Variants in NALCN observed in about 807,000 individuals in gnomAD.
NALCN encodes the protein sodium leak channel NALCN.
NALCN carries 111 observed loss-of-function variants against 225.3 expected under a neutral mutation model. The observed-to-expected ratio is 0.49, with a 90% CI of 0.42 to 0.58. The LOEUF is 0.58. Ranked by LOEUF, NALCN falls within the 20% of genes least tolerant of loss-of-function variation. NALCN has a pLI of 0.00. For missense variants in NALCN, 1,378 were observed against 2,202.4 expected, an observed-to-expected ratio of 0.63 and a Z score of 7.49; for synonymous variants, 764 against 769.0, an observed-to-expected ratio of 0.99 and a Z score of 0.11.
intron 13 of NALCN, among the ~76,000 whole-genome samples, chr13:101,200,101 A>G (rs574414818): frequency 1.3e-5 from 2 of 152,180 alleles, no homozygotes; most frequent in African/African-American, 4.8e-5. Context: ...TTCCACAGTT[A>G]TATTTCCAGC....
chr13:101,287,391 C>A (rs1159033786), intron 9 of NALCN, among the ~76,000 whole-genome samples: 1 of 152,172 alleles, frequency 6.6e-6, no homozygotes, highest in Non-Finnish European at 1.5e-5. Context: ...GCATCTCATG[C>A]TGAATAAAAA....
Position 101,058,348 on chromosome 13 carries a change from T to A in NALCN, c.4906-292A>T, listed in dbSNP as rs561265839. ...GAGAATGTCATTGTTTCCCTTCATA[T>A]CTTCGCTGGCAAACCAGGGGGTAAG... On this transcript the variant is annotated intron_variant, in intron 42 of 43. Transcript: ENST00000251127. 3 of 250,716 alleles carry A rather than the reference T, an allele frequency of 1.2e-5. No individual in the cohort carries two copies. In the South Asian group the frequency reaches 2.1e-4, roughly 17 times the overall value. The allele number at this position is 250,716 out of a possible 1,614,324, so 15.5% of individuals were successfully genotyped here.
At chr13:101,206,139 G>A (rs1010434954) in intron 13 of NALCN, among the ~76,000 whole-genome samples, 1 of 151,838 alleles carries the variant, frequency 6.6e-6, no homozygotes, top group Non-Finnish European at 1.5e-5. Context: ...ATTTCCTCAT[G>A]CCCAATACTT....
intron 7 of NALCN, among the ~76,000 whole-genome samples, chr13:101,340,698 C>A (rs1014694368): frequency 2.6e-5 from 4 of 152,184 alleles, no homozygotes; most frequent in African/African-American, 9.6e-5. Flanking sequence ...TTCTTTTGAA[C>A]AACTGTGCTT....
intron 15 of NALCN, among the ~76,000 whole-genome samples, chr13:101,157,328 C>T (rs1432001428): frequency 6.6e-6 from 1 of 152,148 alleles, no homozygotes; most frequent in Non-Finnish European, 1.5e-5. Context: ...TTTTTGGTCC[C>T]TAAATACCAT....
In NALCN at chr13:101,054,461, A is replaced by AT. The variant is rs1016271934; in HGVS notation, c.*833dup. ...CAATGATAACATCACACATGCAAAG[A>AT]TTTTTTTAAATAAATTGAGCTATAT... is the stretch of plus-strand genomic sequence containing the variant. On this transcript the variant is annotated 3_prime_UTR_variant, in exon 44 of 44. Transcript: ENST00000251127. 3.3e-5 allele frequency: 5 copies of AT among 152,170 alleles called. No homozygotes were observed. The highest frequency in any genetic ancestry group is 1.9e-4 in the East Asian group (1 of 5,190). The allele number at this position is 152,170 out of a possible 1,614,324, so 9.4% of individuals were successfully genotyped here. A position where few individuals can be genotyped will look rare whatever the true frequency, so the allele number is the denominator to read the frequency against.
At chr13:101,266,296 G>A (rs199615148) in intron 10 of NALCN, among the ~76,000 whole-genome samples, 2 of 95,078 alleles carry the variant, frequency 2.1e-5, no homozygotes, top group Non-Finnish European at 5.4e-5. Flanking sequence ...TCAGGTGGAA[G>A]AGATTAGTAA....
intron 7 of NALCN, among the ~76,000 whole-genome samples, chr13:101,309,032 G>A (rs1255779560): frequency 6.6e-6 from 1 of 152,164 alleles, no homozygotes; most frequent in Non-Finnish European, 1.5e-5. Context: ...TTGAATATGA[G>A]ATTGTTACTT....
At chr13:101,057,856 G>C in intron 43 of NALCN, 83 bp downstream of exon 43, 2 of 1,093,276 alleles carry the variant, frequency 1.8e-6, no homozygotes, top group Admixed American at 3.4e-5. Context: ...CTTGCATTTT[G>C]AAAGGCAAGA....
At position 101,111,027 on chromosome 13, in the gene NALCN, G is replaced by T. The variant is rs1427698137; in HGVS notation, c.2294+98C>A. The stretch of plus-strand genomic sequence containing the variant: ...GCGATTCCTCAGCCATGCCTGTCTG[G>T]CAGCCAGGGCTGACAGCCGTGACTG... On this transcript the variant is annotated intron_variant, in intron 19 of 43. Transcript: ENST00000251127. 28 of 1,197,850 alleles carry T rather than the reference G, an allele frequency of 2.3e-5. 1 individual carries two copies. In the South Asian group the frequency reaches 3.7e-4, roughly 16 times the overall value. 74.2% of individuals were successfully genotyped at this position (1,197,850 alleles called of 1,614,324 possible).
chr13:101,352,372 G>A (rs1400161821), intron 6 of NALCN, among the ~76,000 whole-genome samples: 4 of 152,030 alleles, frequency 2.6e-5, no homozygotes, highest in South Asian at 4.1e-4. Flanking sequence ...GGATGCACAC[G>A]TACTAGTTCT....
At chr13:101,188,410 T>G (rs925671527) in intron 14 of NALCN, among the ~76,000 whole-genome samples, 1 of 152,106 alleles carries the variant, frequency 6.6e-6, no homozygotes, top group African/African-American at 2.4e-5. Context: ...GAGAGAAGTA[T>G]GTATTACCAG....
chr13:101,282,653 C>T (rs1049128379), intron 10 of NALCN, among the ~76,000 whole-genome samples: 2 of 152,050 alleles, frequency 1.3e-5, no homozygotes, highest in African/African-American at 4.8e-5. Context: ...GTGTTACCCC[C>T]CACCCCACAC....
intron 3 of NALCN, among the ~76,000 whole-genome samples, chr13:101,382,622 T>C (rs1335119175): frequency 2.0e-5 from 3 of 152,198 alleles, no homozygotes; most frequent in Non-Finnish European, 2.9e-5. Flanking sequence ...TTTCAAACTA[T>C]ATAAAATAAT....
At chr13:101,144,211 G>A (rs753786402) in intron 16 of NALCN, among the ~76,000 whole-genome samples, 7 of 152,116 alleles carry the variant, frequency 4.6e-5, no homozygotes, top group Non-Finnish European at 8.8e-5. Context: ...GAGGGCAAAC[G>A]TGGTAGAAAA....
intron 17 of NALCN, among the ~76,000 whole-genome samples, chr13:101,142,437 C>G (rs1251841870): frequency 6.6e-6 from 1 of 152,038 alleles, no homozygotes; most frequent in Non-Finnish European, 1.5e-5. Context: ...CCATGGCACA[C>G]AGCCCTTATA....
chr13:101,091,902 G>T (rs2034253030), intron 28 of NALCN, among the ~76,000 whole-genome samples: 1 of 152,102 alleles, frequency 6.6e-6, no homozygotes, highest in South Asian at 2.1e-4. Context: ...ACAAAATGTA[G>T]CATCAAAGAC....
Position 101,292,196 on chromosome 13 carries a change from A to C in NALCN, c.942+28T>G. The C allele has an allele frequency of 6.2e-7, 1 of 1,613,450 alleles. No homozygotes were observed. On this transcript the variant is annotated intron_variant, in intron 8 of 43. Coordinates refer to ENST00000251127, the MANE Select transcript of NALCN (RefSeq NM_052867.4). This position sits in a 1 kb window ranked among gnomAD's most constrained non-coding sequence, Gnocchi z 4.3. ...TCTGCAGAACTATCACAGAACATAG[A>C]CTTTCTTAGTACAATTCTTCGCAGT...
At chr13:101,188,839 A>T (rs2139994408) in intron 14 of NALCN, among the ~76,000 whole-genome samples, 1 of 151,840 alleles carries the variant, frequency 6.6e-6, no homozygotes, top group East Asian at 1.9e-4. Context: ...GGTGCTCACC[A>T]CCATGCCTGG....
Sources: allele counts gnomAD v4.1 joint callset (sites outside exome capture counted in the v4.1 genomes callset), GRCh38; gene constraint gnomAD v4.1.1; non-coding constraint Gnocchi (gnomAD v3.1); transcripts MANE v1.5; gene names NCBI Gene and HGNC (gene_info 2026-07-23, HGNC 2026-07-21).